Variants in SCN2A observed in about 807,000 individuals in gnomAD.
SCN2A encodes the protein sodium channel protein type 2 subunit alpha.
Under a neutral mutation model 188.7 loss-of-function variants are expected in SCN2A, and 20 were observed. That is an observed-to-expected ratio of 0.11 (90% confidence interval 0.07 to 0.15). SCN2A has a LOEUF of 0.15. Among genes scored for constraint, SCN2A ranks in the 10% least tolerant of loss-of-function variants. The pLI is 1.00. For synonymous variants in SCN2A, 804 were observed against 833.1 expected, an observed-to-expected ratio of 0.97 and a Z score of 0.60; for missense variants, 1,278 against 2,445.0, an observed-to-expected ratio of 0.52 and a Z score of 10.07.
chr2:165,323,113 A>T, intron 11 of SCN2A, 43 bp from the exon 12 acceptor site: 4 of 1,526,916 alleles, frequency 2.6e-6, no homozygotes, highest in Non-Finnish European at 2.7e-6. Context: ...CCAGCTCTTA[A>T]CTCTCTTCAT....
At chr2:165,307,720 A>G in intron 3 of SCN2A, 128 bp from the exon 4 acceptor site, 1 of 739,488 alleles carries the variant, frequency 1.4e-6, no homozygotes, top group South Asian at 1.5e-5. Flanking sequence ...AAAAGGGTCA[A>G]TAATAGAATA....
In SCN2A at chr2:165,331,521, T is replaced by G; in HGVS notation, c.2341T>G (p.Tyr781Asp). The stretch of plus-strand genomic sequence containing the variant: ...TACACTCTTCATGGCTATGGAGCAC[T>G]ATCCCATGACGGAGCAGTTCAGCAG... Reference protein sequence around the residue: ...LNTLFMAMEHYPMTEQFSSVL... With the variant: ...LNTLFMAMEHDPMTEQFSSVL... The change falls in exon 14 of 27, where the codon TAT (tyrosine) becomes GAT (aspartate). Residue 781 changes from tyrosine (Y) to aspartate (D), a missense_variant. Physicochemically the swap from Tyr to Asp is radical, Grantham distance 160 (BLOSUM62 -3). Around this residue, in one of 17 missense-constraint regions of SCN2A, gnomAD observed 83 missense variants for 256.8 expected, o/e 0.32. Coordinates refer to ENST00000375437, the MANE Select transcript of SCN2A (RefSeq NM_001040142.2). 6.2e-7 allele frequency: 1 copy of G among 1,613,740 alleles called. No individual in the cohort carries two copies. Among genetic ancestry groups the G allele is most frequent in the Non-Finnish European group, 8.5e-7 (1 of 1,179,714 alleles).
At chr2:165,309,104 G>T in intron 5 of SCN2A, 1 of 1,558,072 alleles carries the variant, frequency 6.4e-7, no homozygotes, top group Non-Finnish European at 8.8e-7. Flanking sequence ...AGGTCTTGAT[G>T]AAAGACCAAG....
At chr2:165,344,457 TAAAATA>T in intron 15 of SCN2A, 92 bp from the exon 16 acceptor site, 3 of 774,660 alleles carry the variant, frequency 3.9e-6, no homozygotes, top group Non-Finnish European at 5.3e-6. Context: ...AATAATAAAA[TAAAATA>T]AAAATAAAAA....
At chr2:165,338,412 A>G (rs952591729) in intron 14 of SCN2A, among the ~76,000 whole-genome samples, 11 of 151,966 alleles carry the variant, frequency 7.2e-5, no homozygotes, top group African/African-American at 2.4e-4. Context: ...TGCACCAGCC[A>G]CCAAGCCTGG....
intron 8 of SCN2A, among the ~76,000 whole-genome samples, chr2:165,312,808 G>A (rs747427866): frequency 4.6e-4 from 70 of 152,236 alleles, no homozygotes; most frequent in Admixed American, 2.4e-3. Context: ...ACACACAAAA[G>A]TCTAATGCAC....
chr2:165,350,338 C>T (rs1187212180), intron 16 of SCN2A, among the ~76,000 whole-genome samples: 1 of 151,890 alleles, frequency 6.6e-6, no homozygotes, highest in Non-Finnish European at 1.5e-5. Flanking sequence ...ATTATGGTAA[C>T]ATTTCCATTC....
rs547594840 is a variant in SCN2A, at chr2:165,334,516, T to A, written c.2388+2948T>A. Reference sequence around the variant, plus strand: ...TTAATGTAATATATCATATTAATTTTAAAAAACTATACAATCATCTCTATA... The same window carrying A: ...TTAATGTAATATATCATATTAATTTAAAAAAACTATACAATCATCTCTATA... On this transcript the variant is annotated intron_variant, in intron 14 of 26. Transcript: ENST00000375437. Among the ~76,000 whole-genome samples, 12 of 151,906 alleles carry A rather than the reference T, an allele frequency of 7.9e-5. No homozygotes were observed. The East Asian group carries it at 2.1e-3, about 27-fold the overall frequency.
In SCN2A at chr2:165,344,730, A is replaced by G. The variant is rs367859080; in HGVS notation, c.2738A>G (p.Lys913Arg). 2.5e-6 allele frequency: 4 copies of G among 1,614,040 alleles called. No homozygotes were observed. In the African/African-American group the frequency reaches 5.3e-5, roughly 22 times the overall value. ...AAGAGCTACAAAGAATGTGTCTGCA[A>G]GATTTCCAATGATTGTGAACTCCCA... is the stretch of plus-strand genomic sequence containing the variant. ...FGKSYKECVC[K>R]ISNDCELPRW... Residue 913 changes from lysine to arginine, a missense_variant, in exon 16 of 27, where the codon AAG (lysine) becomes AGG (arginine). Physicochemically the swap from Lys to Arg is conservative, Grantham distance 26. Transcript: ENST00000375437.
At chr2:165,359,202 A>G (rs1330195436) in intron 17 of SCN2A, among the ~76,000 whole-genome samples, 1 of 152,114 alleles carries the variant, frequency 6.6e-6, no homozygotes, top group African/African-American at 2.4e-5. Context: ...GTAAAATGGG[A>G]TCCAAGATGC....
intron 26 of SCN2A, among the ~76,000 whole-genome samples, chr2:165,387,341 A>G (rs73969398): frequency 0.017 from 2,524 of 152,310 alleles, 65 homozygotes; most frequent in African/African-American, 0.053. Context: ...ATTGACAGTT[A>G]CTGCTTTGAA....
chr2:165,242,678 T>C (rs558222910), intron 1 of SCN2A, among the ~76,000 whole-genome samples: 41 of 152,258 alleles, frequency 2.7e-4, no homozygotes, highest in African/African-American at 9.9e-4. Context: ...GAGGGAAATT[T>C]AACTTTAGTG....
At chr2:165,315,027 T>TA (rs1697656413) in intron 10 of SCN2A, among the ~76,000 whole-genome samples, 1 of 152,174 alleles carries the variant, frequency 6.6e-6, no homozygotes, top group Non-Finnish European at 1.5e-5. Context: ...TAAAATAAAA[T>TA]ACTTGACTGA....
chr2:165,308,669 T>C lies in SCN2A; in HGVS notation c.480T>C (p.Tyr160=). The part of the protein sequence containing the change: ...NPPDWTKNVE[Y]TFTGIYTFES... Reference sequence around the variant, plus strand: ...GAGCTTGGCTATTTTCTCTCAGGTATACCTTTACAGGAATTTATACTTTTG... The same window carrying C: ...GAGCTTGGCTATTTTCTCTCAGGTACACCTTTACAGGAATTTATACTTTTG... Residue 160 remains tyrosine, a synonymous_variant, in exon 5 of 27, where the codon TAT becomes TAC. Coordinates refer to ENST00000375437, the MANE Select transcript of SCN2A (RefSeq NM_001040142.2). 1 of 1,611,598 alleles carries C rather than the reference T, an allele frequency of 6.2e-7. No individual in the cohort carries two copies. The highest frequency in any genetic ancestry group is 8.5e-7 in the Non-Finnish European group (1 of 1,178,138).
In SCN2A at chr2:165,389,534, A is replaced by C. The variant is rs52803844; in HGVS notation, c.5728A>C (p.Ile1910Leu). The C allele has an allele frequency of 6.2e-7, 1 of 1,613,998 alleles. No homozygotes were observed. The highest frequency in any genetic ancestry group is 1.7e-5 in the Admixed American group (1 of 59,954). Reference protein sequence around the residue: ...LKRKQEEVSAIIIQRAYRRYL... With the variant: ...LKRKQEEVSALIIQRAYRRYL... ...ACGCAAACAAGAGGAGGTGTCTGCT[A>C]TTATTATCCAGAGGGCTTACAGACG... The change falls in exon 27 of 27, where the codon ATT (isoleucine) becomes CTT (leucine). Residue 1910 changes from isoleucine to leucine, a missense_variant. By Grantham distance (5) the Ile-to-Leu change is conservative. Transcript: ENST00000375437. The surrounding 1 kb of genome is among the most constrained non-coding windows in gnomAD (Gnocchi z 4.2).
intron 16 of SCN2A, 60 bp downstream of exon 16, chr2:165,344,971 G>A: frequency 6.2e-7 from 1 of 1,600,184 alleles, no homozygotes; most frequent in South Asian, 1.1e-5. Flanking sequence ...ATTAAAAAGT[G>A]TGTTCAACTG....
intron 1 of SCN2A, among the ~76,000 whole-genome samples, chr2:165,256,004 T>TTTTTTC (rs1553557655): frequency 1.4e-5 from 2 of 139,326 alleles, no homozygotes; most frequent in Admixed American, 1.4e-4. Context: ...TCTTTTCTTT[T>TTTTTTC]TTTTTTTTTT....
intron 14 of SCN2A, among the ~76,000 whole-genome samples, chr2:165,334,837 T>C (rs1698898749): frequency 6.6e-6 from 1 of 151,426 alleles, no homozygotes; most frequent in Non-Finnish European, 1.5e-5. Context: ...TATTAACGAA[T>C]ACATAATCTT....
At chr2:165,349,900 G>T (rs1190425447) in intron 16 of SCN2A, among the ~76,000 whole-genome samples, 1 of 152,162 alleles carries the variant, frequency 6.6e-6, no homozygotes, top group Non-Finnish European at 1.5e-5. Flanking sequence ...AAATGGGAAA[G>T]GTGTCCCAAA....
Sources: allele counts gnomAD v4.1 joint callset (sites outside exome capture counted in the v4.1 genomes callset), GRCh38; gene constraint gnomAD v4.1.1; regional missense constraint gnomAD v4.1.1; non-coding constraint Gnocchi (gnomAD v3.1); transcripts MANE v1.5; gene names NCBI Gene and HGNC (gene_info 2026-07-23, HGNC 2026-07-21).